DPP6: variants seen among roughly 807,000 people sequenced by gnomAD.
The protein encoded by DPP6 is dipeptidyl peptidase like 6, also known as A-type potassium channel modulatory protein DPP6.
DPP6 carries 69 observed loss-of-function variants against 122.6 expected under a neutral mutation model. The ratio of observed to expected loss-of-function variants is 0.56; its 90% CI spans 0.46 to 0.69. DPP6 has a LOEUF of 0.69. DPP6 is among the 30% of genes least tolerant of loss of function. The pLI, the probability that DPP6 is intolerant of heterozygous loss-of-function variation, is 0.00. For missense variants in DPP6, 928 were observed against 1,116.9 expected (o/e 0.83, Z 2.41); for synonymous variants, 418 against 433.1 (o/e 0.97, Z 0.43).
At chr7:154,638,540 C>A (rs933994078) in intron 6 of DPP6, among the ~76,000 whole-genome samples, 4 of 152,192 alleles carry the variant, frequency 2.6e-5, no homozygotes, top group African/African-American at 9.7e-5. Context: ...TTCATGACCT[C>A]ACATTGCACT....
chr7:154,475,588 A>AT (rs548961297), intron 3 of DPP6: 37 of 155,324 alleles, frequency 2.4e-4, no homozygotes, highest in South Asian at 5.9e-4. Flanking sequence ...TGTATGGGGG[A>AT]TTTTTTTTTT....
At chr7:154,763,371 AG>A in intron 8 of DPP6, among the ~76,000 whole-genome samples, 1 of 151,990 alleles carries the variant, frequency 6.6e-6, no homozygotes, top group Middle Eastern at 3.4e-3. Flanking sequence ...AGAGAGAGAG[AG>A]AGAGAAAGAA....
intron 1 of DPP6, among the ~76,000 whole-genome samples, chr7:154,236,106 G>C (rs1368438576): frequency 1.3e-5 from 2 of 152,142 alleles, no homozygotes; most frequent in African/African-American, 4.8e-5. Context: ...GCCTGCCTTG[G>C]CCTCCCAAAG....
At chr7:154,662,092 A>G (rs34675180) in intron 6 of DPP6, among the ~76,000 whole-genome samples, 13,725 of 144,376 alleles carry the variant, frequency 0.095, no homozygotes, top group Non-Finnish European at 0.14. Context: ...TCATAGAGTC[A>G]TGGTGAATCA....
rs75578875 is a variant in DPP6 at position 154,117,833 on chromosome 7, G to A, written c.243+64770G>A. 6.4e-3 allele frequency among the ~76,000 whole-genome samples: 970 copies of A among 152,010 alleles called. 34 individuals carry two copies. In the East Asian group the frequency reaches 0.11, roughly 17 times the overall value. ...AGAGACACATACCGTGTTTCTGAGC[G>A]AGGACTGTAGCATGGCCAGAAGGCT... On this transcript the variant is annotated intron_variant, in intron 1 of 25. Transcript: ENST00000377770.
At chr7:153,865,758 C>T in the DPP6 span, among the ~76,000 whole-genome samples, 1 of 151,466 alleles carries the variant, frequency 6.6e-6, no homozygotes, top group Non-Finnish European at 1.5e-5. Flanking sequence ...ACCATTAACT[C>T]GTCATTTAGC....
At chr7:154,278,901 G>A (rs748026562) in intron 1 of DPP6, among the ~76,000 whole-genome samples, 1 of 151,734 alleles carries the variant, frequency 6.6e-6, no homozygotes, top group Non-Finnish European at 1.5e-5. Context: ...GTATATGTGT[G>A]TGCAATTGCA....
intron 16 of DPP6, among the ~76,000 whole-genome samples, chr7:154,851,253 T>C (rs66790603): frequency 6.6e-6 from 1 of 151,682 alleles, no homozygotes; most frequent in African/African-American, 2.4e-5. Context: ...GTGGTTTTTT[T>C]CCTCTGTAAA....
the DPP6 span, among the ~76,000 whole-genome samples, chr7:153,878,946 G>T: frequency 6.6e-6 from 1 of 151,840 alleles, no homozygotes; most frequent in East Asian, 1.9e-4. Flanking sequence ...AAGAGAGGAG[G>T]AGGGGAGATG....
At chr7:154,615,768 T>TACTA (rs940551123) in intron 5 of DPP6, among the ~76,000 whole-genome samples, 2 of 152,124 alleles carry the variant, frequency 1.3e-5, no homozygotes, top group Admixed American at 6.5e-5. Context: ...CCCCGTTAAA[T>TACTA]ACTAACTCCC....
At chr7:153,920,000 TATTG>T (rs891210377) in intron 1 of DPP6, among the ~76,000 whole-genome samples, 2 of 152,224 alleles carry the variant, frequency 1.3e-5, no homozygotes, top group Non-Finnish European at 2.9e-5. Flanking sequence ...AGCATGAGCT[TATTG>T]ATTTAGTTTT....
At chr7:153,814,285 T>A in the DPP6 span, among the ~76,000 whole-genome samples, 1 of 152,098 alleles carries the variant, frequency 6.6e-6, no homozygotes, top group African/African-American at 2.4e-5. Context: ...TCACCACCCA[T>A]CCCACAGAAA....
At chr7:154,308,125 A>T (rs1442142805) in intron 1 of DPP6, among the ~76,000 whole-genome samples, 1 of 151,936 alleles carries the variant, frequency 6.6e-6, no homozygotes, top group Non-Finnish European at 1.5e-5. Flanking sequence ...ACTACCCATT[A>T]CTTCTTAGCA....
At chr7:154,226,843 C>A (rs766238893) in intron 1 of DPP6, among the ~76,000 whole-genome samples, 19 of 152,024 alleles carry the variant, frequency 1.2e-4, no homozygotes, top group Non-Finnish European at 2.5e-4. Context: ...AGTAACGTGC[C>A]CTTGACTTCC....
At chr7:154,779,064 C>CCA (rs371120359) in intron 10 of DPP6, among the ~76,000 whole-genome samples, 30 of 68,808 alleles carry the variant, frequency 4.4e-4, no homozygotes, top group Non-Finnish European at 5.1e-4. Context: ...ACCATCACCA[C>CCA]CATCACCTCC....
intron 8 of DPP6, among the ~76,000 whole-genome samples, chr7:154,764,361 A>G (rs1587068903): frequency 6.6e-6 from 1 of 151,976 alleles, no homozygotes; most frequent in South Asian, 2.1e-4. Context: ...TGAGATCTCC[A>G]CTCCAGCCAG....
At chr7:154,660,070 G>A (rs73494024) in intron 6 of DPP6, among the ~76,000 whole-genome samples, 6,277 of 152,166 alleles carry the variant, frequency 0.041, 402 homozygotes, top group African/African-American at 0.14. Flanking sequence ...TAACGTGTTG[G>A]TGGTGAGGGA....
chr7:153,872,227 G>C, the DPP6 span, among the ~76,000 whole-genome samples: 1 of 152,170 alleles, frequency 6.6e-6, no homozygotes, highest in African/African-American at 2.4e-5. Context: ...CCTGAAGCTA[G>C]ACCTGCTGGA....
intron 1 of DPP6, among the ~76,000 whole-genome samples, chr7:154,082,821 C>T (rs1478570000): frequency 6.7e-6 from 1 of 148,380 alleles, no homozygotes; most frequent in Non-Finnish European, 1.5e-5. Context: ...AAGGATGGTG[C>T]TGTGTGTGCC....
Sources: gnomAD v4.1 joint callset for allele counts (sites outside exome capture counted in the v4.1 genomes callset) on GRCh38, gnomAD v4.1.1 for gene constraint, MANE v1.5 for transcripts, NCBI Gene and HGNC (gene_info 2026-07-23, HGNC 2026-07-21) for gene names.